Variants in CCDC88C observed in about 807,000 individuals in gnomAD.
The protein encoded by CCDC88C is coiled-coil and HOOK domain protein 88C.
CCDC88C carries 131 observed loss-of-function variants against 198.8 expected under a neutral mutation model. That is an observed-to-expected ratio of 0.66 (90% confidence interval 0.57 to 0.76). The LOEUF is 0.76. Ranked by LOEUF, CCDC88C falls within the 30% of genes least tolerant of loss-of-function variation. CCDC88C has a pLI of 0.00. For missense variants in CCDC88C, 2,553 were observed against 2,631.6 expected (o/e 0.97, Z 0.65); for synonymous variants, 1,166 against 1,114.7 (o/e 1.05, Z -0.92).
chr14:91,399,112 C>T (rs774506867), intron 3 of CCDC88C, among the ~76,000 whole-genome samples: 1 of 152,196 alleles, frequency 6.6e-6, no homozygotes, highest in Non-Finnish European at 1.5e-5. Flanking sequence ...AGCCCTAACC[C>T]TGGGGCCTGC....
At position 91,408,677 on chromosome 14, in the gene CCDC88C, G is replaced by A. The variant is rs1886637719; in HGVS notation, c.252C>T (p.Asn84=). The A allele has an allele frequency of 2.7e-5, 44 of 1,610,364 alleles. No individual in the cohort carries two copies. The highest frequency in any genetic ancestry group is 3.6e-5 in the Non-Finnish European group (42 of 1,176,582). ...CCCTTACCTGGTAGTAGGTCTTAAT[G>A]TTTCTCACCAAGATGGTCAAATTCT... is the stretch of plus-strand genomic sequence containing the variant. ...RIQNLTILVR[N]IKTYYQEVLQ... The change falls in exon 3 of 30, where the codon AAC becomes AAT. Residue 84 remains asparagine, a synonymous_variant. Transcript: ENST00000389857.
At chr14:91,399,922 A>G (rs1168894247) in intron 3 of CCDC88C, among the ~76,000 whole-genome samples, 1 of 150,522 alleles carries the variant, frequency 6.6e-6, no homozygotes, top group African/African-American at 2.4e-5. Flanking sequence ...TCACCCCCAT[A>G]CCCGCAAGAG....
Position 91,339,123 on chromosome 14 carries a change from T to C in CCDC88C, c.809+155A>G. ...AGGCCTCAGAAGGGGAGGCAGCTAG[T>C]CCGAGGTCAAAGAGTAAGCTCAGGG... On this transcript the variant is annotated intron_variant, in intron 8 of 29. Coordinates refer to ENST00000389857, the MANE Select transcript of CCDC88C (RefSeq NM_001080414.4). This position sits in a 1 kb window ranked among gnomAD's most constrained non-coding sequence, Gnocchi z 5.8. 3.5e-6 allele frequency: 3 copies of C among 851,376 alleles called. No homozygotes were observed. The Admixed American group carries it at 6.0e-5, about 17-fold the overall frequency. The allele number at this position is 851,376 out of a possible 1,614,324, so 52.7% of individuals were successfully genotyped here.
At chr14:91,369,093 G>T (rs1242986222) in intron 3 of CCDC88C, among the ~76,000 whole-genome samples, 1 of 152,198 alleles carries the variant, frequency 6.6e-6, no homozygotes, top group Non-Finnish European at 1.5e-5. Context: ...CAAGACCGGG[G>T]TTGGAACCTC....
At position 91,293,450 on chromosome 14, in the gene CCDC88C, CGGTCCACCTTCCCAT is replaced by C. The variant is rs1567055375; in HGVS notation, c.4112+708_4112+722del. Among the ~76,000 whole-genome samples, 80 of 124,246 alleles carry C rather than the reference CGGTCCACCTTCCCAT, an allele frequency of 6.4e-4. 1 individual carries two copies. Among genetic ancestry groups the C allele is most frequent in the Middle Eastern group, 5.6e-3 (1 of 180 alleles). 81.5% of individuals were successfully genotyped at this position (124,246 alleles called of 152,430 possible). A position where few individuals can be genotyped will look rare whatever the true frequency, so the allele number is the denominator to read the frequency against. ...CCCACCTTCCCGTCCTCACCTGCCA[CGGTCCACCTTCCCAT>C]CCTCACCTGCCACAGCTCACCTTCC... On this transcript the variant is annotated intron_variant, in intron 23 of 29. Coordinates refer to ENST00000389857, the MANE Select transcript of CCDC88C (RefSeq NM_001080414.4).
chr14:91,300,819 C>A (rs547191566), intron 20 of CCDC88C, among the ~76,000 whole-genome samples: 2 of 152,334 alleles, frequency 1.3e-5, no homozygotes, highest in South Asian at 4.1e-4. Context: ...CCCTTCCCAG[C>A]CTGTTTCAAC....
Position 91,273,360 on chromosome 14 carries a change from C to T in CCDC88C, c.5352G>A (p.Gln1784=), listed in dbSNP as rs1219374889. 2 of 1,530,028 alleles carry T rather than the reference C, an allele frequency of 1.3e-6. No homozygotes were observed. Among genetic ancestry groups the T allele is most frequent in the South Asian group, 1.2e-5 (1 of 80,232 alleles). 94.8% of individuals were successfully genotyped at this position (1,530,028 alleles called of 1,614,324 possible). The change falls in exon 30 of 30, where the codon CAG becomes CAA. Residue 1784 remains glutamine (Q), a synonymous_variant. Coordinates refer to ENST00000389857, the MANE Select transcript of CCDC88C (RefSeq NM_001080414.4). This position sits in a 1 kb window ranked among gnomAD's most constrained non-coding sequence, Gnocchi z 5.6. The part of the protein sequence containing the change: ...PQSLSLGRPR[Q]APVPPASHAP... ...CATGGGAAGCTGGGGGCACCGGAGC[C>T]TGCCGGGGTCTGCCCAGAGACAGGC...
At chr14:91,348,111 T>C (rs1429239776) in intron 4 of CCDC88C, among the ~76,000 whole-genome samples, 1 of 152,042 alleles carries the variant, frequency 6.6e-6, no homozygotes, top group African/African-American at 2.4e-5. Flanking sequence ...GTTCAAGCGA[T>C]TCTCCTGCCT....
At position 91,312,015 on chromosome 14, in the gene CCDC88C, T is replaced by C. The variant is rs1567067972; in HGVS notation, c.2736+1065A>G. Among the ~76,000 whole-genome samples, 3 of 150,320 alleles carry C rather than the reference T, an allele frequency of 2.0e-5. No individual in the cohort carries two copies. In the South Asian group the frequency reaches 6.2e-4, roughly 31 times the overall value. ...ATTCTAGGAAAAAAGTAATAAAATTTAAAAAATAATAAAAATAAAATAGTG... is the reference window on the plus strand; with the variant it reads ...ATTCTAGGAAAAAAGTAATAAAATTCAAAAAATAATAAAAATAAAATAGTG... On this transcript the variant is annotated intron_variant, in intron 15 of 29. Coordinates refer to ENST00000389857, the MANE Select transcript of CCDC88C (RefSeq NM_001080414.4).
intron 12 of CCDC88C, 42 bp downstream of exon 12, chr14:91,324,737 G>GGCCACGGCCAGGCTGGC: frequency 6.2e-7 from 1 of 1,601,940 alleles, no homozygotes. Context: ...AGGCAGCGGC[G>GGCCACGGCCAGGCTGGC]GCCACGGCCA....
At chr14:91,354,741 C>T (rs1487171540) in intron 4 of CCDC88C, among the ~76,000 whole-genome samples, 1 of 152,162 alleles carries the variant, frequency 6.6e-6, no homozygotes, top group African/African-American at 2.4e-5. Context: ...CTACTACATG[C>T]CAGACACTGA....
intron 20 of CCDC88C, among the ~76,000 whole-genome samples, chr14:91,302,080 T>C (rs1413392216): frequency 2.0e-5 from 3 of 152,096 alleles, no homozygotes; most frequent in Admixed American, 1.3e-4. Context: ...GAACTCCAGA[T>C]AGAGACAAAA....
intron 3 of CCDC88C, among the ~76,000 whole-genome samples, chr14:91,397,002 T>C (rs987929471): frequency 1.2e-4 from 18 of 151,024 alleles, no homozygotes; most frequent in African/African-American, 4.4e-4. Context: ...AGCAAGACCC[T>C]GTCACCAAAA....
Position 91,338,547 on chromosome 14 carries a change from A to G in CCDC88C, c.833T>C (p.Val278Ala), listed in dbSNP as rs982262838. The change falls in exon 9 of 30, where the codon GTG becomes GCG. Residue 278 changes from valine (V) to alanine (A), a missense_variant. Transcript: ENST00000389857. The surrounding 1 kb of genome is among the most constrained non-coding windows in gnomAD (Gnocchi z 4.8). ...CTGGTCCACCTCATGTCTGGTGTCC[A>G]CAAGCTGCTCTGTCTTATCCTCCCT... Reference protein sequence around the residue: ...QELEDKTEQLVDTRHEVDQLV... With the variant: ...QELEDKTEQLADTRHEVDQLV... 39 of 1,569,934 alleles carry G rather than the reference A, an allele frequency of 2.5e-5. No homozygotes were observed. Among genetic ancestry groups the G allele is most frequent in the Non-Finnish European group, 3.1e-5 (36 of 1,157,836 alleles).
In CCDC88C at chr14:91,289,346, G is replaced by A; in HGVS notation, c.4203-3C>T. 6.2e-7 allele frequency: 1 copy of A among 1,613,192 alleles called. No individual in the cohort carries two copies. Among genetic ancestry groups the A allele is most frequent in the South Asian group, 1.1e-5 (1 of 91,072 alleles). On this transcript the variant is annotated splice_polypyrimidine_tract_variant and splice_region_variant and intron_variant, in intron 24 of 29. Transcript: ENST00000389857. Reference sequence around the variant, plus strand: ...TGGCTCCAATCCAGTGGTTCTTCCTGGTTAGAAGTAGATGTTTAGGACATA... The same window carrying A: ...TGGCTCCAATCCAGTGGTTCTTCCTAGTTAGAAGTAGATGTTTAGGACATA...
chr14:91,408,005 C>A (rs947476610), intron 3 of CCDC88C: 6 of 148,426 alleles, frequency 4.0e-5, no homozygotes, highest in African/African-American at 1.5e-4. Context: ...GTCTTGATCT[C>A]TTGACCTCAT....
At chr14:91,317,777 G>A (rs533422998) in intron 13 of CCDC88C, among the ~76,000 whole-genome samples, 1 of 152,322 alleles carries the variant, frequency 6.6e-6, no homozygotes, top group African/African-American at 2.4e-5. Flanking sequence ...CGGCAGGAGA[G>A]GCTGGCGTCG....
At chr14:91,397,462 T>A (rs553639160) in intron 3 of CCDC88C, among the ~76,000 whole-genome samples, 3 of 151,432 alleles carry the variant, frequency 2.0e-5, no homozygotes, top group African/African-American at 7.3e-5. Context: ...TCACACACAC[T>A]CTCACACTCA....
Position 91,283,374 on chromosome 14 carries a change from G to A in CCDC88C, c.4585C>T (p.Pro1529Ser), listed in dbSNP as rs372277532. The change falls in exon 26 of 30, where the codon CCT becomes TCT. Residue 1529 changes from proline (P) to serine (S), a missense_variant. Pro to Ser is a moderately conservative substitution (Grantham distance 74, BLOSUM62 -1). Transcript: ENST00000389857. ...CGGGCGATGGGGGTGGAGTTGGAAG[G>A]GGCTGTAGTGGTGGCTGAAGTTGAG... ...TCSTSATTTAPSNSTPIARHP... is the reference protein window; with the variant it reads ...TCSTSATTTASSNSTPIARHP... 3.1e-6 allele frequency: 5 copies of A among 1,613,760 alleles called. No individual in the cohort carries two copies. Among genetic ancestry groups the A allele is most frequent in the African/African-American group, 1.3e-5 (1 of 74,938 alleles).
Sources: allele counts gnomAD v4.1 joint callset (sites outside exome capture counted in the v4.1 genomes callset), GRCh38; gene constraint gnomAD v4.1.1; non-coding constraint Gnocchi (gnomAD v3.1); transcripts MANE v1.5; gene names NCBI Gene and HGNC (gene_info 2026-07-23, HGNC 2026-07-21).